The following NUP160 variants were observed in gnomAD, a reference collection of about 807,000 sequenced individuals.
The protein encoded by NUP160 is nuclear pore complex protein Nup160.
In NUP160, 94 loss-of-function variants were observed where a neutral mutation model predicts 196.9. The observed-to-expected ratio is 0.48, with a 90% confidence interval of 0.40 to 0.57. The LOEUF (loss-of-function observed/expected upper bound fraction) is 0.57, where lower values mean the gene tolerates loss of function less well. Among genes scored for constraint, NUP160 ranks in the 20% least tolerant of loss-of-function variants. The pLI is 0.00. For synonymous variants in NUP160, 605 were observed against 619.7 expected, an observed-to-expected ratio of 0.98 and a Z score of 0.35; for missense variants, 1,638 against 1,748.3, an observed-to-expected ratio of 0.94 and a Z score of 1.13.
rs564694891 is a variant in NUP160 at position 47,778,997 on chromosome 11, C to T, written c.*108G>A. ...GCAGAATGCAGACTTGAATGTTGTA[C>T]ACATCATTTACAGTTACAAAAATCG... On this transcript the variant is annotated 3_prime_UTR_variant, in exon 36 of 36. Coordinates refer to ENST00000378460, the Ensembl canonical transcript of NUP160. 1.8e-3 allele frequency: 1,393 copies of T among 757,258 alleles called. 4 individuals carry two copies. The highest frequency in any genetic ancestry group is 2.7e-3 in the Non-Finnish European group (1,148 of 420,394). 46.9% of individuals were successfully genotyped at this position (757,258 alleles called of 1,614,324 possible).
exon 36 of NUP160, chr11:47,779,134 G>C (rs531308145): frequency 4.3e-6 from 7 of 1,613,576 alleles, no homozygotes; most frequent in Non-Finnish European, 5.9e-6. Flanking sequence ...AATAAATCCC[G>C]TGTTGCCTTA....
At chr11:47,815,609 T>C (rs764034454) in exon 13 of NUP160, 9 of 1,610,648 alleles carry the variant, frequency 5.6e-6, no homozygotes, top group Non-Finnish European at 2.5e-6. Context: ...ATTTCGAAAC[T>C]CCTCCTGGGA....
chr11:47,805,680 T>G (rs905141421), intron 20 of NUP160, among the ~76,000 whole-genome samples: 20 of 149,924 alleles, frequency 1.3e-4, no homozygotes, highest in African/African-American at 4.4e-4. Context: ...TCTCCTGACC[T>G]CGTGATCTGC....
At chr11:47,848,508 G>C (rs1302028495), upstream of NUP160, 12 of 1,053,122 alleles carry the variant, frequency 1.1e-5, no homozygotes, top group Admixed American at 5.6e-5. Flanking sequence ...CAGAAGAGAA[G>C]GGGGCAGGGG....
At chr11:47,797,978 C>A (rs751877084) in exon 26 of NUP160, 1 of 1,571,692 alleles carries the variant, frequency 6.4e-7, no homozygotes, top group Non-Finnish European at 8.7e-7. Context: ...GTAAAATTAC[C>A]TCATTATGCA....
At chr11:47,798,489 A>G (rs1418168404) in intron 23 of NUP160, 26 bp from the exon 24 acceptor site, 1 of 1,234,824 alleles carries the variant, frequency 8.1e-7, no homozygotes, top group Non-Finnish European at 1.2e-6. Context: ...AGAAATTTCC[A>G]TTAAAATTAA....
At chr11:47,827,360 T>C (rs1215277219) in intron 7 of NUP160, among the ~76,000 whole-genome samples, 1 of 132,310 alleles carries the variant, frequency 7.6e-6, no homozygotes, top group Non-Finnish European at 1.6e-5. Context: ...TGAGACACTG[T>C]CTCAAAAAAA....
intron 11 of NUP160, among the ~76,000 whole-genome samples, chr11:47,816,385 TA>T (rs1235040865): frequency 3.3e-5 from 5 of 152,226 alleles, no homozygotes; most frequent in African/African-American, 1.2e-4. Context: ...ATTTCTGTTT[TA>T]TGTGGGAGGT....
exon 31 of NUP160, chr11:47,788,243 T>A (rs1370658982): frequency 6.2e-7 from 1 of 1,613,980 alleles, no homozygotes; most frequent in African/African-American, 1.3e-5. Flanking sequence ...CAGAGTGATA[T>A]GGCAGTGTCA....
intron 7 of NUP160, chr11:47,827,207 C>CA (rs773408775): frequency 4.4e-6 from 2 of 451,694 alleles, no homozygotes; most frequent in Non-Finnish European, 4.4e-6. Context: ...ACCAAAAATA[C>CA]AAAAAAATTA....
intron 7 of NUP160, among the ~76,000 whole-genome samples, chr11:47,824,860 G>C (rs930222059): frequency 2.0e-5 from 3 of 151,496 alleles, no homozygotes; most frequent in Admixed American, 2.0e-4. Context: ...TTTTGAGATG[G>C]AGTCTCGCAC....
chr11:47,797,923 C>T (rs1376790933), intron 26 of NUP160, 39 bp from the exon 27 acceptor site: 7 of 1,562,336 alleles, frequency 4.5e-6, no homozygotes, highest in Non-Finnish European at 6.2e-6. Flanking sequence ...AAGTCAGTAG[C>T]AATCATGGCA....
In NUP160 at chr11:47,818,070, A is replaced by G. The variant is rs1234289661; in HGVS notation, c.1417T>C (p.Cys473Arg). The stretch of plus-strand genomic sequence containing the variant: ...TTTTTGCTGACCTGTAAAGCCTTAC[A>G]TAAAGCTTCATTTGTGAATTGTCCT... Residue 473 changes from cysteine to arginine, a missense_variant, in exon 11 of 36, where the codon TGT becomes CGT. Coordinates refer to ENST00000378460, the Ensembl canonical transcript of NUP160. 1.5e-5 allele frequency: 24 copies of G among 1,610,042 alleles called. No homozygotes were observed. In the Middle Eastern group the frequency reaches 1.0e-3, roughly 67 times the overall value.
chr11:47,807,619 A>G (rs973410106), intron 18 of NUP160, among the ~76,000 whole-genome samples: 14 of 152,044 alleles, frequency 9.2e-5, no homozygotes, highest in Non-Finnish European at 1.8e-4. Context: ...GTGAGCCGAG[A>G]TCGCACCATT....
At chr11:47,813,548 G>C (rs1214236960) in intron 13 of NUP160, 133 bp from the exon 14 acceptor site, 1 of 611,642 alleles carries the variant, frequency 1.6e-6, no homozygotes, top group Non-Finnish European at 2.9e-6. Context: ...TGTAAGTCTT[G>C]GCTGGGCACA....
At chr11:47,841,648 T>C in intron 2 of NUP160, 1 of 394,444 alleles carries the variant, frequency 2.5e-6, no homozygotes, top group East Asian at 6.9e-5. Flanking sequence ...GTTCGAGAGA[T>C]TGAGGGCTCT....
At chr11:47,829,994 C>T (rs1852043324) in intron 7 of NUP160, among the ~76,000 whole-genome samples, 1 of 152,092 alleles carries the variant, frequency 6.6e-6, no homozygotes, top group African/African-American at 2.4e-5. Context: ...GATTTCCAAC[C>T]TCTATAAGGA....
Position 47,798,466 on chromosome 11 carries a change from A to G in NUP160, c.2896-3T>C, listed in dbSNP as rs2097672191. 6.7e-7 allele frequency: 1 copy of G among 1,495,626 alleles called. No homozygotes were observed. Among genetic ancestry groups the G allele is most frequent in the Admixed American group, 1.8e-5 (1 of 55,826 alleles). 92.6% of individuals were successfully genotyped at this position (1,495,626 alleles called of 1,614,324 possible). On this transcript the variant is annotated splice_polypyrimidine_tract_variant and splice_region_variant and intron_variant, in intron 23 of 35. Coordinates refer to ENST00000378460, the Ensembl canonical transcript of NUP160. Reference sequence around the variant, plus strand: ...ATGACATCTAGTAGTCGTAAAACCTAACGAGAAATAGAAGAAATTTCCATT... The same window carrying G: ...ATGACATCTAGTAGTCGTAAAACCTGACGAGAAATAGAAGAAATTTCCATT...
At chr11:47,816,166 G>C in intron 11 of NUP160, 137 bp from the exon 12 acceptor site, 1 of 545,408 alleles carries the variant, frequency 1.8e-6, no homozygotes, top group African/African-American at 1.9e-5. Context: ...TCACCCAAGA[G>C]AAAGTTAAGA....
Sources: gnomAD v4.1 joint callset for allele counts (sites outside exome capture counted in the v4.1 genomes callset) on GRCh38, gnomAD v4.1.1 for gene constraint, MANE v1.5 for transcripts, NCBI Gene and HGNC (gene_info 2026-07-23, HGNC 2026-07-21) for gene names.